The following MGMT variants were observed in gnomAD, a reference collection of about 807,000 sequenced individuals.
MGMT encodes the protein methylated-DNA--protein-cysteine methyltransferase.
A neutral mutation model predicts 15.9 loss-of-function variants in MGMT; 14 were observed. The observed-to-expected ratio is 0.88, with a 90% CI of 0.58 to 1.37. The LOEUF is 1.37. MGMT is among the 40% of genes most tolerant of loss of function. The pLI is 0.00. For synonymous variants in MGMT, 130 were observed against 118.2 expected, an observed-to-expected ratio of 1.10 and a Z score of -0.65; for missense variants, 282 against 268.1, an observed-to-expected ratio of 1.05 and a Z score of -0.36.
At chr10:129,744,110 C>A (rs1848667287) in intron 3 of MGMT, among the ~76,000 whole-genome samples, 1 of 152,208 alleles carries the variant, frequency 6.6e-6, no homozygotes, top group South Asian at 2.1e-4. Context: ...CAAAGACATT[C>A]CAAAAACCAG....
chr10:129,712,891 C>G (rs1848248677), intron 3 of MGMT, among the ~76,000 whole-genome samples: 1 of 152,182 alleles, frequency 6.6e-6, no homozygotes, highest in South Asian at 2.1e-4. Flanking sequence ...AGTAGATGGC[C>G]TCCCCTGGAA....
chr10:129,694,076 A>G (rs1374746574), intron 2 of MGMT: 2 of 152,244 alleles, frequency 1.3e-5, no homozygotes, highest in African/African-American at 4.8e-5. Context: ...ATGGGGTGGG[A>G]GAAGCCCAGG....
chr10:129,518,333 CACAT>C (rs1263754668), intron 1 of MGMT, among the ~76,000 whole-genome samples: 7 of 87,746 alleles, frequency 8.0e-5, no homozygotes, highest in African/African-American at 2.9e-4. Context: ...CAGATACACA[CACAT>C]ACACACACAC....
At chr10:129,675,218 G>C (rs1288230492) in intron 2 of MGMT, among the ~76,000 whole-genome samples, 2 of 152,128 alleles carry the variant, frequency 1.3e-5, no homozygotes, top group African/African-American at 4.8e-5. Flanking sequence ...GTGTCAGGAG[G>C]CCATTTGGAT....
At chr10:129,578,327 T>C (rs1846511259) in intron 2 of MGMT, among the ~76,000 whole-genome samples, 1 of 152,162 alleles carries the variant, frequency 6.6e-6, no homozygotes, top group African/African-American at 2.4e-5. Context: ...ATGTGGCACA[T>C]ATACACCATG....
At chr10:129,485,183 G>A (rs528634092) in intron 1 of MGMT, among the ~76,000 whole-genome samples, 1 of 152,156 alleles carries the variant, frequency 6.6e-6, no homozygotes, top group Non-Finnish European at 1.5e-5. Flanking sequence ...CAGTGTCTCA[G>A]TAGTTAGGCA....
At chr10:129,639,651 A>T (rs1490379693) in intron 2 of MGMT, among the ~76,000 whole-genome samples, 1 of 152,210 alleles carries the variant, frequency 6.6e-6, no homozygotes, top group Non-Finnish European at 1.5e-5. Flanking sequence ...ACATGAAAGC[A>T]CAACCTATCA....
chr10:129,540,759 T>G (rs1254993656), intron 2 of MGMT, among the ~76,000 whole-genome samples: 2 of 152,258 alleles, frequency 1.3e-5, no homozygotes, highest in East Asian at 3.8e-4. Context: ...TGGATTGATA[T>G]TACTTTATCT....
chr10:129,533,759 G>C lies in MGMT; in HGVS notation c.-12-2482G>C, dbSNP rs1845957165. 6.6e-6 allele frequency among the ~76,000 whole-genome samples: 1 copy of C among 152,218 alleles called. No homozygotes were observed. The highest frequency in any genetic ancestry group is 2.4e-5 in the African/African-American group (1 of 41,456). On this transcript the variant is annotated intron_variant, in intron 1 of 4. Coordinates refer to ENST00000651593, the MANE Select transcript of MGMT (RefSeq NM_002412.5). This position sits in a 1 kb window ranked among gnomAD's most constrained non-coding sequence, Gnocchi z 4.5. ...TCTTCAGGGAGCCCTGAGCAGAGCT[G>C]CCAGCATCCTGCCTGAGAAGCAGTG...
intron 3 of MGMT, among the ~76,000 whole-genome samples, chr10:129,739,626 C>T (rs557178162): frequency 3.3e-5 from 5 of 151,832 alleles, no homozygotes; most frequent in Non-Finnish European, 7.4e-5. Flanking sequence ...GGTCAGAACT[C>T]CCCTACACCA....
intron 2 of MGMT, among the ~76,000 whole-genome samples, chr10:129,545,802 TAA>T (rs1164071063): frequency 6.6e-6 from 1 of 152,252 alleles, no homozygotes; most frequent in Non-Finnish European, 1.5e-5. Context: ...AGTTTTGTTT[TAA>T]AAGTGTTCAT....
chr10:129,730,481 A>G (rs934856935), intron 3 of MGMT, among the ~76,000 whole-genome samples: 1 of 152,240 alleles, frequency 6.6e-6, no homozygotes, highest in Non-Finnish European at 1.5e-5. Context: ...GAATCAGAGC[A>G]TCCTGTGTCT....
At chr10:129,633,762 A>G (rs491146) in intron 2 of MGMT, among the ~76,000 whole-genome samples, 3,704 of 152,330 alleles carry the variant, frequency 0.024, 163 homozygotes, top group African/African-American at 0.085. Flanking sequence ...ATAAACACAG[A>G]TAAAACGACA....
chr10:129,768,224 G>A lies in MGMT; in HGVS notation c.*1227G>A, dbSNP rs7897706. Among the ~76,000 whole-genome samples the A allele has an allele frequency of 0.25, 37,566 of 152,140 alleles. 5,520 individuals carry two copies. The highest frequency in any genetic ancestry group is 0.41 in the African/African-American group (17,051 of 41,470). On this transcript the variant is annotated 3_prime_UTR_variant, in exon 5 of 5. Transcript: ENST00000651593. ...TATTTCATTTTATCTTAACACCAAC[G>A]AAAGAAAACCGATTTCAGACGTTTT...
intron 2 of MGMT, among the ~76,000 whole-genome samples, chr10:129,567,945 C>G (rs1310921937): frequency 6.6e-6 from 1 of 152,216 alleles, no homozygotes; most frequent in East Asian, 1.9e-4. Context: ...TAGAGGTTTT[C>G]CTGGATTTGT....
chr10:129,580,487 T>C (rs1564858645), intron 2 of MGMT, among the ~76,000 whole-genome samples: 2 of 152,148 alleles, frequency 1.3e-5, no homozygotes, highest in African/African-American at 2.4e-5. Context: ...CCCGTGGGCT[T>C]TGAGCGAGGA....
intron 2 of MGMT, among the ~76,000 whole-genome samples, chr10:129,680,980 TGTG>T (rs1277342517): frequency 6.6e-6 from 1 of 152,192 alleles, no homozygotes; most frequent in Non-Finnish European, 1.5e-5. Context: ...ACTGAGACAA[TGTG>T]GTAGCTGCCA....
intron 3 of MGMT, among the ~76,000 whole-genome samples, chr10:129,734,041 G>A (rs1050032434): frequency 8.4e-4 from 127 of 151,532 alleles, no homozygotes; most frequent in South Asian, 4.9e-3. Context: ...TTGGCGATGC[G>A]GGCTCTTTTT....
At chr10:129,724,790 G>A (rs1177838239) in intron 3 of MGMT, among the ~76,000 whole-genome samples, 1 of 152,194 alleles carries the variant, frequency 6.6e-6, no homozygotes, top group Non-Finnish European at 1.5e-5. Flanking sequence ...AACTCTATGT[G>A]GCTGGGGTTT....
Sources: gnomAD v4.1 joint callset for allele counts (sites outside exome capture counted in the v4.1 genomes callset) on GRCh38, gnomAD v4.1.1 for gene constraint, Gnocchi (gnomAD v3.1) non-coding constraint, MANE v1.5 for transcripts, NCBI Gene and HGNC (gene_info 2026-07-23, HGNC 2026-07-21) for gene names.